The following AP3B1 variants were observed in gnomAD, a reference collection of about 807,000 sequenced individuals.
AP3B1 encodes the protein adaptor related protein complex 3 subunit beta 1.
AP3B1 carries 61 observed loss-of-function variants against 132.5 expected under a neutral mutation model. The observed-to-expected ratio is 0.46, with a 90% CI of 0.37 to 0.57. AP3B1 has a LOEUF of 0.57. Among genes scored for constraint, AP3B1 ranks in the 20% least tolerant of loss-of-function variants. The pLI, the probability that AP3B1 is intolerant of heterozygous loss-of-function variation, is 0.00. For missense variants in AP3B1, 1,120 were observed against 1,289.4 expected, an observed-to-expected ratio of 0.87 and a Z score of 2.01; for synonymous variants, 388 against 438.3, an observed-to-expected ratio of 0.89 and a Z score of 1.43.
At chr5:78,101,408 A>G in intron 20 of AP3B1, 1 of 425,486 alleles carries the variant, frequency 2.4e-6, no homozygotes, top group Non-Finnish European at 4.6e-6. Flanking sequence ...AAGAAATAAC[A>G]TATGCATAGC....
chr5:78,040,731 G>A (rs772389664), intron 22 of AP3B1, among the ~76,000 whole-genome samples: 19 of 151,662 alleles, frequency 1.3e-4, no homozygotes, highest in Non-Finnish European at 2.5e-4. Flanking sequence ...TTCCTGACAA[G>A]TGTTGTCTCC....
At chr5:78,233,719 C>A (rs1013430150) in intron 3 of AP3B1, among the ~76,000 whole-genome samples, 84 of 152,132 alleles carry the variant, frequency 5.5e-4, no homozygotes, top group Non-Finnish European at 7.2e-4. Flanking sequence ...TCGTTTAATT[C>A]TCATATCTAT....
intron 13 of AP3B1, among the ~76,000 whole-genome samples, chr5:78,160,836 T>G (rs1034461631): frequency 1.3e-5 from 2 of 152,012 alleles, no homozygotes; most frequent in Non-Finnish European, 1.5e-5. Flanking sequence ...AATATTCTCC[T>G]TATTTGTTTT....
intron 7 of AP3B1, among the ~76,000 whole-genome samples, chr5:78,187,019 T>C (rs537066657): frequency 1.3e-5 from 2 of 152,328 alleles, no homozygotes; most frequent in East Asian, 3.8e-4. Flanking sequence ...AAAGTATTTC[T>C]ACTAATACTC....
intron 25 of AP3B1, among the ~76,000 whole-genome samples, chr5:78,017,819 G>A (rs113635398): frequency 0.014 from 2,107 of 152,058 alleles, 56 homozygotes; most frequent in African/African-American, 0.048. Context: ...TTTAAAAACT[G>A]TAGGCTAAAT....
intron 7 of AP3B1, among the ~76,000 whole-genome samples, chr5:78,189,477 G>A (rs766444440): frequency 1.5e-4 from 23 of 152,144 alleles, no homozygotes; most frequent in South Asian, 4.1e-4. Context: ...ATTAAAGGTC[G>A]ATGAATCACT....
intron 21 of AP3B1, among the ~76,000 whole-genome samples, chr5:78,093,886 C>T (rs1750650492): frequency 6.6e-6 from 1 of 152,156 alleles, no homozygotes; most frequent in Admixed American, 6.5e-5. Context: ...AGTAAATTGC[C>T]CAAGATGTCA....
At chr5:78,112,364 T>C (rs933566005) in intron 19 of AP3B1, among the ~76,000 whole-genome samples, 2 of 152,214 alleles carry the variant, frequency 1.3e-5, no homozygotes, top group Admixed American at 6.5e-5. Context: ...TTAAAATGTG[T>C]ACTTAAAAAT....
intron 25 of AP3B1, among the ~76,000 whole-genome samples, chr5:78,018,192 T>C (rs1342458494): frequency 6.6e-6 from 1 of 151,972 alleles, no homozygotes; most frequent in Non-Finnish European, 1.5e-5. Flanking sequence ...AGCTAGATCA[T>C]TAACTAATTC....
chr5:78,012,809 G>A (rs560378348), intron 26 of AP3B1, among the ~76,000 whole-genome samples: 1 of 152,298 alleles, frequency 6.6e-6, no homozygotes, highest in East Asian at 1.9e-4. Flanking sequence ...AATATAAATG[G>A]TTCTTAGTTG....
At chr5:78,074,078 C>T (rs1030564352) in intron 22 of AP3B1, among the ~76,000 whole-genome samples, 5 of 152,090 alleles carry the variant, frequency 3.3e-5, no homozygotes, top group African/African-American at 2.4e-5. Context: ...GAGTACTATC[C>T]GCCAGTTAGG....
intron 7 of AP3B1, among the ~76,000 whole-genome samples, chr5:78,193,742 TTTTATATATATATA>T (rs1300446970): frequency 1.1e-5 from 1 of 90,840 alleles, no homozygotes; most frequent in Non-Finnish European, 2.1e-5. Flanking sequence ...GTATATATTT[TTTTATATATATATA>T]TATATATATA....
chr5:78,034,421 A>G lies in AP3B1; in HGVS notation c.2834T>C (p.Ile945Thr), dbSNP rs1442216600. 8.7e-6 allele frequency: 14 copies of G among 1,611,820 alleles called. No individual in the cohort carries two copies. The highest frequency in any genetic ancestry group is 1.2e-5 in the Non-Finnish European group (14 of 1,178,112). ...AAAGTCAATACCCATTGAAACTGTA[A>G]TGGATCCCTCAGGCTCAAGAGAGTC... ...PIDSLEPEGS[I>T]TVSMGIDFCD... The change falls in exon 24 of 27, where the codon ATT (isoleucine) becomes ACT (threonine). Residue 945 changes from isoleucine to threonine, a missense_variant. Transcript: ENST00000255194.
At chr5:78,006,119 G>A (rs1746381624) in intron 26 of AP3B1, among the ~76,000 whole-genome samples, 1 of 152,068 alleles carries the variant, frequency 6.6e-6, no homozygotes, top group African/African-American at 2.4e-5. Flanking sequence ...TTCTGGCAGT[G>A]GGTTCTAAGT....
At chr5:78,026,190 T>G (rs1382833931) in intron 24 of AP3B1, among the ~76,000 whole-genome samples, 2 of 152,204 alleles carry the variant, frequency 1.3e-5, no homozygotes, top group Non-Finnish European at 2.9e-5. Context: ...ATGATAGATG[T>G]AAATTTATCA....
At chr5:78,166,591 T>C (rs1580432840) in intron 11 of AP3B1, among the ~76,000 whole-genome samples, 1 of 152,264 alleles carries the variant, frequency 6.6e-6, no homozygotes, top group Non-Finnish European at 1.5e-5. Context: ...AAAAAATATT[T>C]AGTCTTAAGA....
intron 15 of AP3B1, among the ~76,000 whole-genome samples, chr5:78,138,189 G>T (rs1438166422): frequency 6.6e-6 from 1 of 152,126 alleles, no homozygotes; most frequent in African/African-American, 2.4e-5. Flanking sequence ...TTTCAGGCTG[G>T]GTGCAGTGGC....
At chr5:78,108,689 T>C (rs1281650260) in intron 20 of AP3B1, among the ~76,000 whole-genome samples, 2 of 152,208 alleles carry the variant, frequency 1.3e-5, no homozygotes, top group East Asian at 1.9e-4. Flanking sequence ...AGATTTAATC[T>C]GATCACTGAA....
At chr5:78,143,666 C>A (rs1254602574) in intron 14 of AP3B1, among the ~76,000 whole-genome samples, 1 of 152,072 alleles carries the variant, frequency 6.6e-6, no homozygotes, top group Non-Finnish European at 1.5e-5. Flanking sequence ...GAATTCACAG[C>A]CACTACTTTC....
Sources: gnomAD v4.1 joint callset for allele counts (sites outside exome capture counted in the v4.1 genomes callset) on GRCh38, gnomAD v4.1.1 for gene constraint, MANE v1.5 for transcripts, NCBI Gene and HGNC (gene_info 2026-07-23, HGNC 2026-07-21) for gene names.